MTFR1: variants seen among roughly 807,000 people sequenced by gnomAD.
MTFR1 encodes chondrocyte protein with a poly-proline region.
MTFR1 carries 28 observed loss-of-function variants against 38.8 expected under a neutral mutation model. The observed-to-expected ratio is 0.72, with a 90% CI of 0.53 to 0.99. The LOEUF (loss-of-function observed/expected upper bound fraction) is 0.99, where lower values mean the gene tolerates loss of function less well. Ranked by LOEUF, MTFR1 falls within the 50% of genes least tolerant of loss-of-function variation. The pLI, the probability that MTFR1 is intolerant of heterozygous loss-of-function variation, is 0.00. For synonymous variants in MTFR1, 145 were observed against 137.0 expected, an observed-to-expected ratio of 1.06 and a Z score of -0.41; for missense variants, 358 against 395.5, an observed-to-expected ratio of 0.91 and a Z score of 0.81.
chr8:65,735,238 G>A (rs1275820185), intron 3 of MTFR1, among the ~76,000 whole-genome samples: 1 of 152,152 alleles, frequency 6.6e-6, no homozygotes, highest in African/African-American at 2.4e-5. Context: ...ATCGCCGAGT[G>A]AGCGGGACAG....
intron 1 of MTFR1, among the ~76,000 whole-genome samples, chr8:65,667,231 G>A (rs1470541510): frequency 1.3e-5 from 2 of 150,724 alleles, no homozygotes; most frequent in Non-Finnish European, 2.9e-5. Flanking sequence ...AGCCAAGATT[G>A]CACCATTGTA....
chr8:65,690,824 C>A (rs1456131178), intron 3 of MTFR1, among the ~76,000 whole-genome samples: 1 of 152,154 alleles, frequency 6.6e-6, no homozygotes, highest in Non-Finnish European at 1.5e-5. Flanking sequence ...ATTTGTCTAA[C>A]ACTTATACAA....
At chr8:65,654,331 A>G (rs1809200755) in intron 1 of MTFR1, among the ~76,000 whole-genome samples, 1 of 152,124 alleles carries the variant, frequency 6.6e-6, no homozygotes, top group African/African-American at 2.4e-5. Flanking sequence ...TCAGCATTTT[A>G]TTATGAAAAT....
downstream of MTFR1, among the ~76,000 whole-genome samples, chr8:65,774,667 C>T (rs181070483): frequency 2.6e-5 from 4 of 151,234 alleles, no homozygotes; most frequent in African/African-American, 9.7e-5. Flanking sequence ...ATATATAAAA[C>T]AAAATTTATT....
At chr8:65,703,812 A>G (rs892274848) in intron 4 of MTFR1, among the ~76,000 whole-genome samples, 3 of 152,166 alleles carry the variant, frequency 2.0e-5, no homozygotes, top group African/African-American at 7.2e-5. Context: ...GCAAGAGTCT[A>G]TCCTTATTTT....
At chr8:65,644,475 T>C (rs1461039700), upstream of MTFR1, among the ~76,000 whole-genome samples, 1 of 152,214 alleles carries the variant, frequency 6.6e-6, no homozygotes, top group Admixed American at 6.5e-5. Context: ...CCCTAAAGCA[T>C]GAAGCTGACA....
intron 1 of MTFR1, among the ~76,000 whole-genome samples, chr8:65,651,748 A>G (rs1022783311): frequency 1.4e-4 from 22 of 151,876 alleles, no homozygotes; most frequent in African/African-American, 4.8e-4. Flanking sequence ...TTTGCTCAGG[A>G]TAGCTTTGGC....
chr8:65,691,432 T>C (rs1805274419), intron 3 of MTFR1, among the ~76,000 whole-genome samples: 1 of 151,892 alleles, frequency 6.6e-6, no homozygotes, highest in Admixed American at 6.6e-5. Context: ...TGACTACAGG[T>C]GCATGCCACC....
At chr8:65,713,666 T>TAAG (rs1212444241), downstream of MTFR1, among the ~76,000 whole-genome samples, 3 of 152,154 alleles carry the variant, frequency 2.0e-5, no homozygotes, top group Non-Finnish European at 4.4e-5. Flanking sequence ...ATTTGAAGGC[T>TAAG]AAGTAACTTT....
chr8:65,726,063 A>AATT (rs1806595588), intron 3 of MTFR1, among the ~76,000 whole-genome samples: 2 of 152,214 alleles, frequency 1.3e-5, no homozygotes, highest in African/African-American at 4.8e-5. Flanking sequence ...AGTTGTTTTA[A>AATT]ATTATGAAAG....
At chr8:65,684,305 C>T (rs531647361) in intron 3 of MTFR1, among the ~76,000 whole-genome samples, 1 of 151,912 alleles carries the variant, frequency 6.6e-6, no homozygotes, top group South Asian at 2.1e-4. Flanking sequence ...GTACGAGAAA[C>T]ATTGATGACC....
At chr8:65,662,751 A>C (rs1299524924) in intron 1 of MTFR1, among the ~76,000 whole-genome samples, 1 of 133,766 alleles carries the variant, frequency 7.5e-6, no homozygotes, top group Non-Finnish European at 1.7e-5. Context: ...CCCGGCAGCC[A>C]CCCCGTCTGG....
At chr8:65,747,140 A>G (rs1807709133) in intron 3 of MTFR1, among the ~76,000 whole-genome samples, 1 of 152,166 alleles carries the variant, frequency 6.6e-6, no homozygotes, top group Non-Finnish European at 1.5e-5. Flanking sequence ...AGAGACTATC[A>G]AGACTCATTT....
At chr8:65,742,816 C>T (rs1315433715) in intron 3 of MTFR1, among the ~76,000 whole-genome samples, 1 of 152,178 alleles carries the variant, frequency 6.6e-6, no homozygotes, top group East Asian at 1.9e-4. Context: ...GGGTAGCTAA[C>T]CATGAGTGGT....
Position 65,766,103 on chromosome 8 carries a change from G to A in MTFR1, c.*49-4844G>A, listed in dbSNP as rs557836656. Among the ~76,000 whole-genome samples, 1,131 of 152,100 alleles carry A rather than the reference G, an allele frequency of 7.4e-3. 8 individuals are homozygous for A. Among genetic ancestry groups the A allele is most frequent in the African/African-American group, 0.025 (1,020 of 41,478 alleles). On this transcript the variant is annotated intron_variant, in intron 3 of 3. Transcript: ENST00000521247. ...TGGGATTACAGGCGCCCGCCACCACGCCCAGCTAATTTTTGTATTTTTAGT... is the reference window on the plus strand; with the variant it reads ...TGGGATTACAGGCGCCCGCCACCACACCCAGCTAATTTTTGTATTTTTAGT...
intron 2 of MTFR1, among the ~76,000 whole-genome samples, chr8:65,681,671 G>GT (rs200580429): frequency 0.18 from 19,641 of 108,272 alleles, 1,489 homozygotes; most frequent in African/African-American, 0.22. Context: ...TGTTGTTTTT[G>GT]TTTTTTTTTT....
chr8:65,645,886 A>G (rs979192927), intron 1 of MTFR1, among the ~76,000 whole-genome samples: 1 of 152,196 alleles, frequency 6.6e-6, no homozygotes, highest in African/African-American at 2.4e-5. Context: ...TATTTTACAT[A>G]TTTCTATGCC....
At chr8:65,688,880 C>A (rs1296624975) in intron 3 of MTFR1, among the ~76,000 whole-genome samples, 2 of 152,038 alleles carry the variant, frequency 1.3e-5, no homozygotes, top group Non-Finnish European at 2.9e-5. Context: ...TGTGGTGGCT[C>A]ACACCTGTAA....
At chr8:65,773,648 C>T (rs1809174681), downstream of MTFR1, among the ~76,000 whole-genome samples, 1 of 152,134 alleles carries the variant, frequency 6.6e-6, no homozygotes, top group Admixed American at 6.5e-5. Flanking sequence ...ACCCATTTAT[C>T]TTTATTACTA....
Sources: allele counts gnomAD v4.1 joint callset (sites outside exome capture counted in the v4.1 genomes callset), GRCh38; gene constraint gnomAD v4.1.1; transcripts MANE v1.5; gene names NCBI Gene and HGNC (gene_info 2026-07-23, HGNC 2026-07-21).